Variants in PDE3B observed in about 807,000 individuals in gnomAD.
PDE3B encodes phosphodiesterase 3B.
PDE3B carries 66 observed loss-of-function variants against 116.8 expected under a neutral mutation model. The observed-to-expected ratio is 0.56, with a 90% CI of 0.46 to 0.69. The LOEUF is 0.69. Ranked by LOEUF, PDE3B falls within the 30% of genes least tolerant of loss-of-function variation. The pLI, the probability that PDE3B is intolerant of heterozygous loss-of-function variation, is 0.00. For missense variants in PDE3B, 1,384 were observed against 1,368.1 expected, an observed-to-expected ratio of 1.01 and a Z score of -0.18; for synonymous variants, 595 against 533.6, an observed-to-expected ratio of 1.12 and a Z score of -1.59.
chr11:14,891,837 G>A, the PDE3B span: 42 of 1,416,974 alleles, frequency 3.0e-5, no homozygotes, highest in Non-Finnish European at 3.9e-5. Flanking sequence ...GACCCGGGAA[G>A]CGGGTGTCCC....
chr11:14,685,478 C>T (rs1016895424), intron 1 of PDE3B, among the ~76,000 whole-genome samples: 1 of 101,270 alleles, frequency 9.9e-6, no homozygotes, highest in African/African-American at 3.4e-5. Flanking sequence ...TTTTTTAAGA[C>T]AGAGTCTTGC....
chr11:14,665,062 A>C (rs1854084714), intron 1 of PDE3B, among the ~76,000 whole-genome samples: 1 of 152,252 alleles, frequency 6.6e-6, no homozygotes, highest in East Asian at 1.9e-4. Flanking sequence ...CAAAAAGCTT[A>C]TCCAACATGA....
chr11:14,893,842 C>CT, the PDE3B span, among the ~76,000 whole-genome samples: 1 of 152,126 alleles, frequency 6.6e-6, no homozygotes, highest in African/African-American at 2.4e-5. Context: ...AACATATTCA[C>CT]AGTTCTAGGG....
In PDE3B at chr11:14,709,413, C is replaced by T. The variant is rs184912188; in HGVS notation, c.979-62524C>T. ...AATCAGTGGCATCTGATAATCACAT[C>T]GGTGTGGATTAAAGTCAGTTTTTCC... On this transcript the variant is annotated intron_variant, in intron 1 of 15. Coordinates refer to ENST00000282096, the MANE Select transcript of PDE3B (RefSeq NM_000922.4). Among the ~76,000 whole-genome samples the T allele has an allele frequency of 4.6e-4, 70 of 152,108 alleles. 1 individual carries two copies. In the East Asian group the frequency reaches 0.012, roughly 26 times the overall value.
intron 1 of PDE3B, among the ~76,000 whole-genome samples, chr11:14,722,707 T>A (rs1856157762): frequency 6.6e-6 from 1 of 152,216 alleles, no homozygotes. Context: ...CAGTCCTGGC[T>A]GACAGTTTGA....
At chr11:14,706,950 T>C (rs188052779) in intron 1 of PDE3B, among the ~76,000 whole-genome samples, 9 of 151,996 alleles carry the variant, frequency 5.9e-5, no homozygotes, top group Admixed American at 1.3e-4. Context: ...CTAGCAAATA[T>C]TGAGTACCTG....
chr11:14,880,799 TC>T, the PDE3B span: 1 of 1,574,590 alleles, frequency 6.4e-7, no homozygotes, highest in Non-Finnish European at 8.6e-7. Flanking sequence ...ATTGTATAAT[TC>T]CTACTTCTCT....
the PDE3B span, chr11:14,877,932 G>T: frequency 3.4e-6 from 2 of 595,868 alleles, no homozygotes; most frequent in East Asian, 2.9e-5. Flanking sequence ...TACCCCAGAA[G>T]TCATAAAATC....
At chr11:14,879,051 C>G in the PDE3B span, 1 of 1,289,144 alleles carries the variant, frequency 7.8e-7, no homozygotes, top group South Asian at 1.2e-5. Flanking sequence ...GATTAAGATG[C>G]TGTATCTAAT....
At chr11:14,704,227 A>G (rs1046570356) in intron 1 of PDE3B, among the ~76,000 whole-genome samples, 3 of 151,796 alleles carry the variant, frequency 2.0e-5, no homozygotes, top group African/African-American at 7.2e-5. Context: ...TTAAACCAGC[A>G]TGTCTGAATC....
intron 1 of PDE3B, among the ~76,000 whole-genome samples, chr11:14,659,944 A>G (rs555321119): frequency 2.5e-4 from 38 of 152,330 alleles, no homozygotes; most frequent in African/African-American, 8.4e-4. Flanking sequence ...GAAGCAGTTC[A>G]TACAATCTGT....
intron 12 of PDE3B, among the ~76,000 whole-genome samples, chr11:14,856,772 T>C (rs1483917614): frequency 2.0e-5 from 3 of 151,370 alleles, no homozygotes; most frequent in African/African-American, 7.3e-5. Context: ...GAGAACGGCT[T>C]GAACCCAGGA....
At chr11:14,750,609 A>T (rs1276222247) in intron 1 of PDE3B, among the ~76,000 whole-genome samples, 1 of 152,034 alleles carries the variant, frequency 6.6e-6, no homozygotes, top group Non-Finnish European at 1.5e-5. Context: ...GATATGATAT[A>T]AATTTTATTG....
chr11:14,873,443 T>G (rs1209026354), downstream of PDE3B, among the ~76,000 whole-genome samples: 1 of 152,156 alleles, frequency 6.6e-6, no homozygotes, highest in East Asian at 1.9e-4. Context: ...CACAGGGACA[T>G]GTACAGAGTT....
chr11:14,673,764 A>G, intron 1 of PDE3B: 2 of 779,324 alleles, frequency 2.6e-6, no homozygotes, highest in East Asian at 2.4e-5. Flanking sequence ...AAGTAATCTC[A>G]GGAGATGTGG....
At chr11:14,669,288 C>G (rs1250512461) in intron 1 of PDE3B, among the ~76,000 whole-genome samples, 4 of 151,808 alleles carry the variant, frequency 2.6e-5, no homozygotes. Context: ...AATAACTACC[C>G]CAGGCTCACT....
chr11:14,706,424 A>C (rs1478203652), intron 1 of PDE3B, among the ~76,000 whole-genome samples: 2 of 151,920 alleles, frequency 1.3e-5, no homozygotes, highest in Non-Finnish European at 2.9e-5. Flanking sequence ...GATCTTGGGA[A>C]AATTACTCAC....
intron 1 of PDE3B, among the ~76,000 whole-genome samples, chr11:14,759,382 AG>A: frequency 6.6e-6 from 1 of 152,170 alleles, no homozygotes; most frequent in East Asian, 1.9e-4. Flanking sequence ...CATTTTTTAA[AG>A]TACATTCTTT....
the PDE3B span, chr11:14,891,415 G>A: frequency 3.0e-6 from 3 of 985,746 alleles, no homozygotes; most frequent in East Asian, 3.4e-4. Flanking sequence ...ATTCATTCAC[G>A]CGTTCACAAT....
Sources: allele counts gnomAD v4.1 joint callset (sites outside exome capture counted in the v4.1 genomes callset), GRCh38; gene constraint gnomAD v4.1.1; transcripts MANE v1.5; gene names NCBI Gene and HGNC (gene_info 2026-07-23, HGNC 2026-07-21).